CDH11: variants seen among roughly 807,000 people sequenced by gnomAD.
CDH11 encodes the protein cadherin-11.
A neutral mutation model predicts 67.8 loss-of-function variants in CDH11; 11 were observed. The ratio of observed to expected loss-of-function variants is 0.16; its 90% CI spans 0.10 to 0.27. The LOEUF (loss-of-function observed/expected upper bound fraction) is 0.27. CDH11 is among the 10% of genes least tolerant of loss of function. CDH11 has a pLI of 1.00. For synonymous variants in CDH11, 419 were observed against 400.0 expected (o/e 1.05, Z -0.57); for missense variants, 847 against 1,031.2 (o/e 0.82, Z 2.45).
At chr16:65,027,129 T>C (rs2073549815) in intron 2 of CDH11, among the ~76,000 whole-genome samples, 1 of 152,126 alleles carries the variant, frequency 6.6e-6, no homozygotes, top group Non-Finnish European at 1.5e-5. Flanking sequence ...AGAGCAGCCA[T>C]TACTTGGCTA....
At chr16:65,041,325 T>A (rs1007941045) in intron 2 of CDH11, among the ~76,000 whole-genome samples, 2 of 151,972 alleles carry the variant, frequency 1.3e-5, no homozygotes, top group Non-Finnish European at 2.9e-5. Flanking sequence ...GACCAGCACA[T>A]TTGTCATCTG....
intron 2 of CDH11, among the ~76,000 whole-genome samples, chr16:65,040,601 A>G (rs1009919132): frequency 2.0e-5 from 3 of 152,168 alleles, no homozygotes; most frequent in African/African-American, 7.2e-5. Context: ...GATATACCTA[A>G]TGTTAAATGA....
At position 65,110,486 on chromosome 16, in the gene CDH11, G is replaced by A. The variant is rs117242764; in HGVS notation, c.-298+11394C>T. The stretch of plus-strand genomic sequence containing the variant: ...CCCAGGCCAGACTCTGCCATACAAC[G>A]AGAAGAGTGAAGGCACCACGGTTGT... On this transcript the variant is annotated intron_variant, in intron 1 of 12. Transcript: ENST00000268603. Among the ~76,000 whole-genome samples the A allele has an allele frequency of 2.0e-4, 30 of 152,230 alleles. No individual in the cohort carries two copies. The East Asian group carries it at 5.4e-3, about 28-fold the overall frequency.
At chr16:65,038,324 C>G (rs940213418) in intron 2 of CDH11, among the ~76,000 whole-genome samples, 14 of 152,230 alleles carry the variant, frequency 9.2e-5, no homozygotes, top group Non-Finnish European at 1.3e-4. Flanking sequence ...AAGAAAATGT[C>G]TCGTGAAAAT....
At chr16:65,111,616 T>C (rs1364870361) in intron 1 of CDH11, among the ~76,000 whole-genome samples, 1 of 151,462 alleles carries the variant, frequency 6.6e-6, no homozygotes, top group African/African-American at 2.4e-5. Context: ...GAGTTCATAA[T>C]CTAGAGTCTA....
chr16:64,948,685 C>A (rs768409959), intron 12 of CDH11: 1 of 1,607,672 alleles, frequency 6.2e-7, no homozygotes, highest in Non-Finnish European at 8.5e-7. Context: ...AAGACAAAAT[C>A]TTCTGTTTAC....
At chr16:64,981,512 G>A (rs2072348914) in intron 8 of CDH11, 2 of 152,088 alleles carry the variant, frequency 1.3e-5, no homozygotes, top group African/African-American at 4.8e-5. Context: ...GTACTCAGCA[G>A]CAGTTAGACA....
intron 10 of CDH11, 34 bp downstream of exon 10, chr16:64,971,897 T>C (rs770816733): frequency 1.9e-6 from 3 of 1,611,364 alleles, no homozygotes; most frequent in South Asian, 1.1e-5. Flanking sequence ...CCAAGTGCAT[T>C]GTTCCTAGCC....
chr16:64,998,103 T>C (rs769914381), intron 4 of CDH11, among the ~76,000 whole-genome samples: 1 of 152,216 alleles, frequency 6.6e-6, no homozygotes, highest in Non-Finnish European at 1.5e-5. Context: ...CATAGTGACA[T>C]AGTGCTGTGG....
intron 11 of CDH11, among the ~76,000 whole-genome samples, chr16:64,961,001 A>G (rs145479938): frequency 0.012 from 1,860 of 152,224 alleles, 12 homozygotes; most frequent in Non-Finnish European, 0.017. Context: ...TCACAATATA[A>G]CTAATTTTGC....
chr16:65,001,592 T>C (rs2072921022), intron 3 of CDH11, among the ~76,000 whole-genome samples: 2 of 152,240 alleles, frequency 1.3e-5, no homozygotes, highest in Admixed American at 1.3e-4. Context: ...CATGTGAATT[T>C]GGCAAGTTTC....
At chr16:65,004,607 T>C (rs770384877) in intron 3 of CDH11, 35 bp downstream of exon 3, 7 of 1,586,778 alleles carry the variant, frequency 4.4e-6, no homozygotes, top group East Asian at 4.5e-5. Context: ...CAATGGTGGG[T>C]TGGAAAGCTC....
At chr16:65,067,742 G>A (rs1418461137) in intron 1 of CDH11, among the ~76,000 whole-genome samples, 1 of 148,944 alleles carries the variant, frequency 6.7e-6, no homozygotes, top group African/African-American at 2.5e-5. Context: ...AGGGAAGAAA[G>A]GGAGGAAGGG....
At chr16:65,075,429 G>A (rs1806757234) in intron 1 of CDH11, among the ~76,000 whole-genome samples, 2 of 152,174 alleles carry the variant, frequency 1.3e-5, no homozygotes, top group African/African-American at 4.8e-5. Flanking sequence ...CTGTGTCCCT[G>A]ACCATGTAAA....
chr16:65,122,215 G>A (rs1042820198), upstream of CDH11: 22 of 520,188 alleles, frequency 4.2e-5, no homozygotes, highest in African/African-American at 6.2e-5. Flanking sequence ...GCTGCGAGAG[G>A]CAGCGAGATG....
intron 1 of CDH11, among the ~76,000 whole-genome samples, chr16:65,071,401 A>G (rs1241812020): frequency 6.6e-6 from 1 of 152,166 alleles, no homozygotes; most frequent in African/African-American, 2.4e-5. Context: ...CGCAAACTCC[A>G]AAAAGGGAGA....
intron 12 of CDH11, 129 bp downstream of exon 12, chr16:64,950,638 C>T: frequency 1.8e-5 from 11 of 609,542 alleles, no homozygotes; most frequent in South Asian, 1.4e-4. Flanking sequence ...TACCCCACTT[C>T]TTTTCTTGAA....
At chr16:65,029,578 T>C (rs1026761870) in intron 2 of CDH11, among the ~76,000 whole-genome samples, 15 of 152,184 alleles carry the variant, frequency 9.9e-5, no homozygotes, top group African/African-American at 3.4e-4. Context: ...GAAATTCAGA[T>C]TACAGAAGAA....
intron 11 of CDH11, among the ~76,000 whole-genome samples, chr16:64,953,133 A>C (rs1190598549): frequency 6.6e-6 from 1 of 152,096 alleles, no homozygotes; most frequent in African/African-American, 2.4e-5. Context: ...TTGTTGTATT[A>C]CAATTTTTTG....
Sources: gnomAD v4.1 joint callset for allele counts (sites outside exome capture counted in the v4.1 genomes callset) on GRCh38, gnomAD v4.1.1 for gene constraint, MANE v1.5 for transcripts, NCBI Gene and HGNC (gene_info 2026-07-23, HGNC 2026-07-21) for gene names.